PDZD2: variants seen among roughly 807,000 people sequenced by gnomAD.
The protein encoded by PDZD2 is PDZ domain-containing protein 2.
PDZD2 carries 90 observed loss-of-function variants against 220.7 expected under a neutral mutation model. The observed-to-expected ratio is 0.41, with a 90% CI of 0.34 to 0.49. PDZD2 has a LOEUF of 0.49. Ranked by LOEUF, PDZD2 falls within the 20% of genes least tolerant of loss-of-function variation. The pLI is 0.28. For missense variants in PDZD2, 3,174 were observed against 3,608.5 expected (o/e 0.88, Z 3.08); for synonymous variants, 1,375 against 1,450.5 (o/e 0.95, Z 1.18).
chr5:31,919,665 A>AT (rs1279605361), intron 2 of PDZD2, among the ~76,000 whole-genome samples: 25 of 138,534 alleles, frequency 1.8e-4, no homozygotes, highest in Non-Finnish European at 3.1e-4. Flanking sequence ...TTAAGACTTA[A>AT]TTTTTTTAGA....
At chr5:31,673,606 G>A (rs1458854462) in intron 1 of PDZD2, among the ~76,000 whole-genome samples, 4 of 152,132 alleles carry the variant, frequency 2.6e-5, no homozygotes, top group Admixed American at 6.5e-5. Flanking sequence ...ATGGTATTAC[G>A]AGCTGGGGAC....
At chr5:31,823,115 G>T in intron 2 of PDZD2, 1 of 522,180 alleles carries the variant, frequency 1.9e-6, no homozygotes, top group South Asian at 1.6e-5. Flanking sequence ...TTGACAGTCT[G>T]ATTGCTGAGA....
chr5:31,737,167 CTTTTTTTTT>C (rs57379430), intron 1 of PDZD2, among the ~76,000 whole-genome samples: 2 of 66,300 alleles, frequency 3.0e-5, no homozygotes, highest in African/African-American at 1.3e-4. Context: ...CAGTCTACTT[CTTTTTTTTT>C]TTTTTTTTTT....
At chr5:31,856,965 G>A (rs1050712821) in intron 2 of PDZD2, among the ~76,000 whole-genome samples, 7 of 150,330 alleles carry the variant, frequency 4.7e-5, no homozygotes, top group African/African-American at 1.7e-4. Flanking sequence ...TGTCTACAAG[G>A]CTTATAACTA....
intron 6 of PDZD2, among the ~76,000 whole-genome samples, chr5:32,026,876 C>T (rs1754708074): frequency 6.6e-6 from 1 of 152,122 alleles, no homozygotes; most frequent in Non-Finnish European, 1.5e-5. Context: ...TCCACATCCC[C>T]TGTTGTTTCC....
intron 2 of PDZD2, among the ~76,000 whole-genome samples, chr5:31,877,284 C>T (rs1039714621): frequency 5.3e-5 from 8 of 151,980 alleles, no homozygotes; most frequent in African/African-American, 7.3e-5. Flanking sequence ...GGTGCAATCT[C>T]GGCTTACTGC....
intron 2 of PDZD2, among the ~76,000 whole-genome samples, chr5:31,927,135 A>G (rs1388336268): frequency 6.6e-6 from 1 of 152,200 alleles, no homozygotes; most frequent in African/African-American, 2.4e-5. Flanking sequence ...GGGTGACAGG[A>G]TCAGTTGTAC....
chr5:31,703,831 G>A (rs748382719), intron 1 of PDZD2, among the ~76,000 whole-genome samples: 28 of 151,984 alleles, frequency 1.8e-4, no homozygotes, highest in Non-Finnish European at 3.8e-4. Context: ...CTTTTTTCCT[G>A]ATTGTAAAAG....
intron 1 of PDZD2, among the ~76,000 whole-genome samples, chr5:31,784,552 G>C (rs895674541): frequency 1.3e-5 from 2 of 152,106 alleles, no homozygotes; most frequent in African/African-American, 2.4e-5. Context: ...GGAGAAAGTG[G>C]GTATGAATAG....
intron 2 of PDZD2, among the ~76,000 whole-genome samples, chr5:31,818,820 A>AT: frequency 6.6e-6 from 1 of 152,250 alleles, no homozygotes; most frequent in East Asian, 1.9e-4. Context: ...CATTAATTTA[A>AT]TTTTTTTATG....
At chr5:31,678,824 CTT>C (rs1443112290) in intron 1 of PDZD2, among the ~76,000 whole-genome samples, 6 of 152,072 alleles carry the variant, frequency 3.9e-5, no homozygotes, top group Non-Finnish European at 7.4e-5. Context: ...CCAGGCTGGT[CTT>C]GAACTCCTAG....
chr5:31,736,807 T>G (rs1749887711), intron 1 of PDZD2, among the ~76,000 whole-genome samples: 2 of 152,160 alleles, frequency 1.3e-5, no homozygotes, highest in South Asian at 4.2e-4. Context: ...ATGAATGACT[T>G]GGGCCATCTC....
chr5:32,044,477 G>GGC (rs1204059650), intron 7 of PDZD2, among the ~76,000 whole-genome samples: 1 of 152,166 alleles, frequency 6.6e-6, no homozygotes, highest in Non-Finnish European at 1.5e-5. Flanking sequence ...GATAAAGAGA[G>GGC]GCAGTATGCT....
intron 5 of PDZD2, among the ~76,000 whole-genome samples, chr5:32,005,945 G>A (rs116327342): frequency 0.014 from 2,173 of 152,084 alleles, 39 homozygotes; most frequent in Admixed American, 0.055. Context: ...GTCAGGATTC[G>A]AGACCAGCCT....
In PDZD2 at chr5:32,059,306, C is replaced by T. The variant is rs774246173; in HGVS notation, c.2268C>T (p.Tyr756=). ...LALENSPPGI[Y]IHSLAPGSVA... ...TGGAAAACAGTCCTCCTGGCATCTA[C>T]ATTCACAGCCTTGCTCCAGGATCAG... The change falls in exon 13 of 25, where the codon TAC becomes TAT. Residue 756 remains tyrosine (Y), a synonymous_variant. Transcript: ENST00000438447. 19 of 1,613,314 alleles carry T rather than the reference C, an allele frequency of 1.2e-5. No individual in the cohort carries two copies. The highest frequency in any genetic ancestry group is 1.5e-5 in the Non-Finnish European group (18 of 1,179,368).
chr5:31,903,644 C>CAAAAAA (rs59822169), intron 2 of PDZD2, among the ~76,000 whole-genome samples: 3 of 99,724 alleles, frequency 3.0e-5, no homozygotes, highest in African/African-American at 1.1e-4. Context: ...GACCCTGTCT[C>CAAAAAA]AAAAAAAAAA....
In PDZD2 at chr5:31,938,764, ACTGTAGGCC is replaced by A. The variant is rs141567368; in HGVS notation, c.477-44388_477-44380del. On this transcript the variant is annotated intron_variant, in intron 2 of 24. Coordinates refer to ENST00000438447, the MANE Select transcript of PDZD2 (RefSeq NM_178140.4). The stretch of plus-strand genomic sequence containing the variant: ...TCTTTATTGCCCTCTAAGAAAGCTT[ACTGTAGGCC>A]CTCCAACCTTACCTCTGAACATGCA... Among the ~76,000 whole-genome samples the A allele has an allele frequency of 7.9e-3, 1,207 of 152,350 alleles. 15 individuals carry two copies. The highest frequency in any genetic ancestry group is 0.028 in the African/African-American group (1,163 of 41,584).
chr5:32,030,603 T>C (rs1755043667), intron 6 of PDZD2, among the ~76,000 whole-genome samples: 1 of 152,218 alleles, frequency 6.6e-6, no homozygotes. Flanking sequence ...TTTCTTTGTT[T>C]CTGACTCAGA....
At chr5:31,742,352 A>G (rs1193106498) in intron 1 of PDZD2, 1 of 151,956 alleles carries the variant, frequency 6.6e-6, no homozygotes, top group Non-Finnish European at 1.5e-5. Context: ...TTTTTTATTA[A>G]AGACTGAAAT....
Sources: allele counts gnomAD v4.1 joint callset (sites outside exome capture counted in the v4.1 genomes callset), GRCh38; gene constraint gnomAD v4.1.1; transcripts MANE v1.5; gene names NCBI Gene and HGNC (gene_info 2026-07-23, HGNC 2026-07-21).